The following MSI2 variants were observed in gnomAD, a reference collection of about 807,000 sequenced individuals.
The protein encoded by MSI2 is musashi RNA binding protein 2, also known as RNA-binding protein Musashi homolog 2.
Under a neutral mutation model 45.6 loss-of-function variants are expected in MSI2, and 17 were observed. The ratio of observed to expected loss-of-function variants is 0.37; its 90% confidence interval spans 0.26 to 0.56. MSI2 has a LOEUF of 0.56. Ranked by LOEUF, MSI2 falls within the 20% of genes least tolerant of loss-of-function variation. The pLI is 0.77. For synonymous variants in MSI2, 156 were observed against 158.2 expected, an observed-to-expected ratio of 0.99 and a Z score of 0.11; for missense variants, 293 against 444.2, an observed-to-expected ratio of 0.66 and a Z score of 3.06.
the MSI2 span, among the ~76,000 whole-genome samples, chr17:57,697,927 A>T: frequency 1.4e-4 from 21 of 151,902 alleles, no homozygotes; most frequent in African/African-American, 4.8e-4. Context: ...GGGCACCTGC[A>T]CCCCTCCTTC....
chr17:57,560,800 G>A (rs1415772768), intron 7 of MSI2, among the ~76,000 whole-genome samples: 2 of 152,250 alleles, frequency 1.3e-5, no homozygotes, highest in Admixed American at 6.5e-5. Context: ...GGCGGTGGTT[G>A]CCACCAGCAC....
intron 4 of MSI2, 181 bp from the exon 5 acceptor site, chr17:57,261,970 G>A: frequency 1.6e-6 from 1 of 609,300 alleles, no homozygotes; most frequent in East Asian, 2.8e-5. Context: ...TTAGTTACCT[G>A]ATCTGTTGGA....
At chr17:57,615,904 G>C in intron 8 of MSI2, 66 bp from the exon 9 acceptor site, 2 of 1,250,212 alleles carry the variant, frequency 1.6e-6, no homozygotes, top group South Asian at 1.2e-5. Flanking sequence ...TAACCAGACA[G>C]GTTCTGCATT....
At chr17:57,334,780 C>T (rs1217568810) in intron 5 of MSI2, among the ~76,000 whole-genome samples, 1 of 149,654 alleles carries the variant, frequency 6.7e-6, no homozygotes, top group Non-Finnish European at 1.5e-5. Context: ...GGCAACAGTA[C>T]GAGACTCCAT....
intron 6 of MSI2, among the ~76,000 whole-genome samples, chr17:57,502,733 G>T (rs1205805695): frequency 6.7e-6 from 1 of 149,912 alleles, no homozygotes; most frequent in Non-Finnish European, 1.5e-5. Context: ...TCCTGATGAG[G>T]CTGTTTGCGT....
rs1183624378 is a variant in MSI2, at chr17:57,453,955, C to G, written c.405+52484C>G. Among the ~76,000 whole-genome samples, 3 of 152,196 alleles carry G rather than the reference C, an allele frequency of 2.0e-5. No individual in the cohort carries two copies. In the East Asian group the frequency reaches 5.8e-4, roughly 29 times the overall value. On this transcript the variant is annotated intron_variant, in intron 6 of 13. Coordinates refer to ENST00000284073, the MANE Select transcript of MSI2 (RefSeq NM_138962.4). ...TACCTTTATCTTTCTCATCAAAAAC[C>G]ACTGGTTGGATGAGTACCTCTCTGG...
At chr17:57,570,707 A>T (rs761003039) in intron 7 of MSI2, among the ~76,000 whole-genome samples, 6 of 152,216 alleles carry the variant, frequency 3.9e-5, no homozygotes, top group Admixed American at 1.3e-4. Flanking sequence ...CCTATTTGAG[A>T]CAAAGTGGGA....
At chr17:57,302,473 A>T (rs1398672001) in intron 5 of MSI2, among the ~76,000 whole-genome samples, 3 of 152,174 alleles carry the variant, frequency 2.0e-5, no homozygotes, top group Non-Finnish European at 4.4e-5. Context: ...ATTCTGTCGA[A>T]CACTAAGACC....
chr17:57,693,867 T>C, the MSI2 span, among the ~76,000 whole-genome samples: 1 of 152,238 alleles, frequency 6.6e-6, no homozygotes, highest in Non-Finnish European at 1.5e-5. Flanking sequence ...CAAACTATGG[T>C]CCTTGGGCCA....
chr17:57,559,955 G>C (rs990261642), intron 7 of MSI2, among the ~76,000 whole-genome samples: 7 of 152,250 alleles, frequency 4.6e-5, no homozygotes, highest in African/African-American at 1.4e-4. Flanking sequence ...CTATTGGTCG[G>C]TGGAATTGTA....
At chr17:57,558,997 G>A (rs2087508861) in intron 7 of MSI2, among the ~76,000 whole-genome samples, 1 of 152,158 alleles carries the variant, frequency 6.6e-6, no homozygotes. Flanking sequence ...AGGAGGCGGA[G>A]GTTGCAGTGA....
intron 3 of MSI2, 110 bp from the exon 4 acceptor site, chr17:57,258,160 T>G (rs1598035161): frequency 1.2e-6 from 1 of 822,534 alleles, no homozygotes. Flanking sequence ...GAGGTGGGGG[T>G]GCGTGGGGGG....
chr17:57,258,794 G>A (rs8071182), intron 4 of MSI2, among the ~76,000 whole-genome samples: 25,258 of 152,142 alleles, frequency 0.17, 2,383 homozygotes, highest in East Asian at 0.35. Flanking sequence ...GCTAATTACA[G>A]GTCCAGGCAA....
At chr17:57,500,461 T>G (rs1286123304) in intron 6 of MSI2, among the ~76,000 whole-genome samples, 4 of 141,204 alleles carry the variant, frequency 2.8e-5, no homozygotes, top group Non-Finnish European at 3.1e-5. Flanking sequence ...AAGAGCCAGG[T>G]GGGGTGGGCT....
At chr17:57,361,800 C>T (rs898642908) in intron 5 of MSI2, among the ~76,000 whole-genome samples, 1 of 152,086 alleles carries the variant, frequency 6.6e-6, no homozygotes, top group Non-Finnish European at 1.5e-5. Flanking sequence ...TAAGTGGACC[C>T]ACATGGTTTA....
At chr17:57,405,153 T>C (rs9303393) in intron 6 of MSI2, among the ~76,000 whole-genome samples, 149,577 of 152,252 alleles carry the variant, frequency 0.98, 73,527 homozygotes, top group Middle Eastern at 1. Flanking sequence ...GACAGCCTGA[T>C]GGGTTGTTCC....
intron 7 of MSI2, among the ~76,000 whole-genome samples, chr17:57,569,944 T>A (rs57767681): frequency 0.016 from 2,359 of 152,144 alleles, 62 homozygotes; most frequent in African/African-American, 0.055. Flanking sequence ...TGGGAAAGGG[T>A]GTGAAATCTG....
downstream of MSI2, among the ~76,000 whole-genome samples, chr17:57,687,195 C>CGGAGT (rs1555644155): frequency 4.4e-5 from 1 of 22,674 alleles, no homozygotes; most frequent in Non-Finnish European, 7.3e-5. Flanking sequence ...AAGCTGTACT[C>CGGAGT]AAAATGTAAG....
At chr17:57,286,446 A>G (rs1056049819) in intron 5 of MSI2, among the ~76,000 whole-genome samples, 5 of 152,280 alleles carry the variant, frequency 3.3e-5, no homozygotes, top group Non-Finnish European at 7.3e-5. Context: ...ATTGCTCATC[A>G]TCGAGTCCTG....
Sources: allele counts gnomAD v4.1 joint callset (sites outside exome capture counted in the v4.1 genomes callset), GRCh38; gene constraint gnomAD v4.1.1; transcripts MANE v1.5; gene names NCBI Gene and HGNC (gene_info 2026-07-23, HGNC 2026-07-21).